The following THRB variants were observed in gnomAD, a reference collection of about 807,000 sequenced individuals.
THRB encodes the protein thyroid hormone receptor beta, also known as nuclear receptor subfamily 1 group A member 2.
THRB carries 12 observed loss-of-function variants against 47.8 expected under a neutral mutation model. The ratio of observed to expected loss-of-function variants is 0.25; its 90% confidence interval spans 0.16 to 0.41. The LOEUF is 0.41. THRB is among the 10% of genes least tolerant of loss of function. The pLI, the probability that THRB is intolerant of heterozygous loss-of-function variation, is 1.00. For missense variants in THRB, 348 were observed against 589.2 expected (o/e 0.59, Z 4.24); for synonymous variants, 218 against 212.2 (o/e 1.03, Z -0.24).
At chr3:24,464,705 C>T (rs1418479518) in intron 1 of THRB, among the ~76,000 whole-genome samples, 2 of 152,032 alleles carry the variant, frequency 1.3e-5, no homozygotes, top group African/African-American at 4.8e-5. Flanking sequence ...GTATTTGTTT[C>T]TTTCCTGATC....
At chr3:24,333,201 T>C (rs917702190) in intron 2 of THRB, among the ~76,000 whole-genome samples, 8 of 152,214 alleles carry the variant, frequency 5.3e-5, no homozygotes, top group East Asian at 3.9e-4. Flanking sequence ...ATGCATACTG[T>C]TTAAAAAAAA....
intron 2 of THRB, among the ~76,000 whole-genome samples, chr3:24,299,837 T>C (rs1416978621): frequency 6.7e-6 from 1 of 148,924 alleles, no homozygotes; most frequent in Non-Finnish European, 1.5e-5. Context: ...TTTAAATGCA[T>C]GTGGTTTTCT....
At chr3:24,289,042 T>C (rs763461439) in intron 3 of THRB, among the ~76,000 whole-genome samples, 1 of 152,120 alleles carries the variant, frequency 6.6e-6, no homozygotes, top group Non-Finnish European at 1.5e-5. Context: ...GAGTGCTGGC[T>C]AAGAAGAGGG....
intron 4 of THRB, among the ~76,000 whole-genome samples, chr3:24,195,179 C>A (rs371094271): frequency 4.3e-4 from 66 of 152,180 alleles, no homozygotes; most frequent in African/African-American, 1.6e-3. Context: ...TTTTTAGAAT[C>A]GTGCAGGACA....
chr3:24,256,124 G>T (rs2051255415), intron 3 of THRB, among the ~76,000 whole-genome samples: 1 of 152,204 alleles, frequency 6.6e-6, no homozygotes, highest in African/African-American at 2.4e-5. Flanking sequence ...AGAAATCCCA[G>T]AGAGTTTTGT....
intron 8 of THRB, among the ~76,000 whole-genome samples, chr3:24,138,832 A>T (rs1343834306): frequency 1.3e-5 from 2 of 152,188 alleles, no homozygotes; most frequent in Non-Finnish European, 2.9e-5. Context: ...GCCAGGGAAA[A>T]AGTAGGAAAG....
chr3:24,368,683 A>G (rs1267383811), intron 1 of THRB, among the ~76,000 whole-genome samples: 1 of 152,220 alleles, frequency 6.6e-6, no homozygotes, highest in Non-Finnish European at 1.5e-5. Flanking sequence ...AATGAAGGCC[A>G]TGAATCAACA....
intron 2 of THRB, among the ~76,000 whole-genome samples, chr3:24,324,435 T>C (rs543077386): frequency 1.3e-5 from 2 of 151,344 alleles, no homozygotes; most frequent in East Asian, 2.2e-4. Flanking sequence ...GACCAAGGCA[T>C]TTTTTTCCAA....
In THRB at chr3:24,459,709, G is replaced by A. The variant is rs540555111; in HGVS notation, c.-261+34943C>T. ...GGGTTTTGATTTGCATTTCTTGGAT[G>A]ACCAGTGATGATGAGCTTTTTTTCA... On this transcript the variant is annotated intron_variant, in intron 1 of 10. Coordinates refer to ENST00000646209, the MANE Select transcript of THRB (RefSeq NM_001354712.2). Among the ~76,000 whole-genome samples, 5 of 152,272 alleles carry A rather than the reference G, an allele frequency of 3.3e-5. No homozygotes were observed. In the South Asian group the frequency reaches 1.0e-3, roughly 32 times the overall value.
intron 4 of THRB, among the ~76,000 whole-genome samples, chr3:24,190,573 T>A (rs549739161): frequency 1.4e-4 from 21 of 152,230 alleles, no homozygotes; most frequent in Admixed American, 1.3e-3. Context: ...TAGAAAGACA[T>A]TAGTTCCTGC....
rs748356007 is a variant in THRB at position 24,133,460 on chromosome 3, T to C, written c.741A>G (p.Pro247=). The change falls in exon 9 of 11, where the codon CCA becomes CCG. Residue 247 remains proline (P), a splice_region_variant and synonymous_variant. Transcript: ENST00000646209. The part of the protein sequence containing the change: ...SHWKQKRKFL[P]EDIGQAPIVN... ...CTATTGGTGCTTGTCCAATGTCTTCTGGCTAAGGAGGAGAAAAAAGAAAGA... is the reference window on the plus strand; with the variant it reads ...CTATTGGTGCTTGTCCAATGTCTTCCGGCTAAGGAGGAGAAAAAAGAAAGA... 1.2e-6 allele frequency: 2 copies of C among 1,614,090 alleles called. No homozygotes were observed. Among genetic ancestry groups the C allele is most frequent in the Non-Finnish European group, 1.7e-6 (2 of 1,179,968 alleles).
In THRB at chr3:24,383,797, C is replaced by G. The variant is rs556881077; in HGVS notation, c.-260-46426G>C. ...AGAAAATTTCCCTAGGAAATTCAGTCACGTTGTCAAAGTCTTTTCACAGAA... is the reference window on the plus strand; with the variant it reads ...AGAAAATTTCCCTAGGAAATTCAGTGACGTTGTCAAAGTCTTTTCACAGAA... On this transcript the variant is annotated intron_variant, in intron 1 of 10. Transcript: ENST00000646209. Among the ~76,000 whole-genome samples the G allele has an allele frequency of 3.3e-5, 5 of 152,220 alleles. 1 individual carries two copies. In the East Asian group the frequency reaches 9.7e-4, roughly 29 times the overall value.
chr3:24,200,853 G>C (rs528265880), intron 4 of THRB, among the ~76,000 whole-genome samples: 1 of 152,156 alleles, frequency 6.6e-6, no homozygotes, highest in Non-Finnish European at 1.5e-5. Flanking sequence ...ATCTCCTTGA[G>C]AGCAGGCGCT....
intron 3 of THRB, among the ~76,000 whole-genome samples, chr3:24,285,324 T>A: frequency 6.6e-6 from 1 of 151,052 alleles, no homozygotes; most frequent in Non-Finnish European, 1.5e-5. Flanking sequence ...CAGTAAACTA[T>A]CACAAGAACA....
intron 1 of THRB, among the ~76,000 whole-genome samples, chr3:24,492,897 GTAT>G (rs1208588247): frequency 6.6e-6 from 1 of 152,158 alleles, no homozygotes; most frequent in Non-Finnish European, 1.5e-5. Flanking sequence ...GCTATACTCA[GTAT>G]TATTTATTTT....
intron 1 of THRB, among the ~76,000 whole-genome samples, chr3:24,383,322 C>T (rs2065849277): frequency 6.6e-6 from 1 of 152,070 alleles, no homozygotes; most frequent in Non-Finnish European, 1.5e-5. Context: ...ATCCATATAT[C>T]CATCCATTCT....
intron 5 of THRB, among the ~76,000 whole-genome samples, chr3:24,156,909 C>T (rs951247832): frequency 3.3e-5 from 5 of 152,088 alleles, no homozygotes; most frequent in African/African-American, 1.2e-4. Context: ...AGCCTTTCCC[C>T]AACATACGAA....
intron 2 of THRB, among the ~76,000 whole-genome samples, chr3:24,301,247 C>T (rs1429183231): frequency 6.6e-6 from 1 of 152,200 alleles, no homozygotes; most frequent in Non-Finnish European, 1.5e-5. Flanking sequence ...TTGTTTTAAA[C>T]CACCAAGCTC....
chr3:24,175,884 AC>A (rs879439172), intron 5 of THRB, among the ~76,000 whole-genome samples: 970 of 152,316 alleles, frequency 6.4e-3, no homozygotes, highest in South Asian at 0.059. Flanking sequence ...TTCTTACTGT[AC>A]ATAATTACAA....
Sources: allele counts gnomAD v4.1 joint callset (sites outside exome capture counted in the v4.1 genomes callset), GRCh38; gene constraint gnomAD v4.1.1; transcripts MANE v1.5; gene names NCBI Gene and HGNC (gene_info 2026-07-23, HGNC 2026-07-21).